Variants in WAC observed in about 807,000 individuals in gnomAD.
WAC encodes WW domain containing adaptor with coiled-coil.
In WAC, 11 loss-of-function variants were observed where a neutral mutation model predicts 79.6. That is an observed-to-expected ratio of 0.14 (90% confidence interval 0.09 to 0.23). The LOEUF is 0.23. Among genes scored for constraint, WAC ranks in the 10% least tolerant of loss-of-function variants. WAC has a pLI of 1.00. For synonymous variants in WAC, 304 were observed against 276.9 expected (o/e 1.10, Z -0.97); for missense variants, 728 against 773.5 (o/e 0.94, Z 0.70).
chr10:28,560,767 T>C (rs1423676763), intron 3 of WAC, among the ~76,000 whole-genome samples: 4 of 152,220 alleles, frequency 2.6e-5, no homozygotes, highest in African/African-American at 9.6e-5. Context: ...CAAGTCTGCC[T>C]ATATAGTGTA....
chr10:28,550,559 G>C (rs956405838), intron 3 of WAC, among the ~76,000 whole-genome samples: 2 of 152,076 alleles, frequency 1.3e-5, no homozygotes, highest in African/African-American at 4.8e-5. Flanking sequence ...GGGGGGTCTG[G>C]TGTATATATA....
rs5784069 is a variant in WAC, at chr10:28,538,866, TAA to T, written c.274+3126_274+3127del. On this transcript the variant is annotated intron_variant, in intron 3 of 13. Coordinates refer to ENST00000354911, the MANE Select transcript of WAC (RefSeq NM_016628.5). ...GTTGATAGAGTGAGACCCGTCTGTT[TAA>T]AAAAAAAAAAAAAAAAGAAAAAAAT... Among the ~76,000 whole-genome samples the T allele has an allele frequency of 3.3e-3, 422 of 126,880 alleles. 2 individuals are homozygous for T. Among genetic ancestry groups the T allele is most frequent in the African/African-American group, 9.5e-3 (321 of 33,766 alleles). 83.2% of individuals were successfully genotyped at this position (126,880 alleles called of 152,430 possible).
chr10:28,553,346 TACAG>T (rs1277616560), intron 3 of WAC, among the ~76,000 whole-genome samples: 3 of 152,216 alleles, frequency 2.0e-5, no homozygotes. Context: ...GCTTGCCAGA[TACAG>T]TATTCATTTT....
chr10:28,565,809 C>T (rs550471829), intron 3 of WAC, among the ~76,000 whole-genome samples: 1 of 152,280 alleles, frequency 6.6e-6, no homozygotes, highest in African/African-American at 2.4e-5. Context: ...TCAGTACATA[C>T]TGTATAACAA....
intron 7 of WAC, among the ~76,000 whole-genome samples, chr10:28,605,193 A>AT (rs1840879717): frequency 6.6e-6 from 1 of 152,074 alleles, no homozygotes; most frequent in South Asian, 2.1e-4. Context: ...ATTGTGCTAT[A>AT]TTTTTTCAAT....
At chr10:28,571,548 A>G (rs544763701) in intron 3 of WAC, among the ~76,000 whole-genome samples, 157 of 152,322 alleles carry the variant, frequency 1.0e-3, no homozygotes, top group African/African-American at 3.5e-3. Context: ...GTTGTTGTCT[A>G]CTGTACCAAG....
chr10:28,597,293 T>A (rs1186856813), intron 7 of WAC, among the ~76,000 whole-genome samples: 1 of 152,208 alleles, frequency 6.6e-6, no homozygotes, highest in East Asian at 1.9e-4. Context: ...TCTGAATTAA[T>A]GCTATAGTTA....
intron 2 of WAC, 125 bp downstream of exon 2, chr10:28,534,159 C>G (rs1019921834): frequency 4.4e-6 from 4 of 911,262 alleles, no homozygotes; most frequent in Non-Finnish European, 6.4e-6. Flanking sequence ...GAAACTAGCA[C>G]CGCGGATCCC....
intron 3 of WAC, among the ~76,000 whole-genome samples, chr10:28,541,433 T>TTTG (rs1837038752): frequency 7.1e-6 from 1 of 141,672 alleles, no homozygotes; most frequent in Admixed American, 7.1e-5. Context: ...TTTTTTTTTT[T>TTTG]TTTTTTTTTT....
rs377339581 is a variant in WAC, at chr10:28,558,240, C to T, written c.274+22483C>T. Among the ~76,000 whole-genome samples, 12 of 151,840 alleles carry T rather than the reference C, an allele frequency of 7.9e-5. No individual in the cohort carries two copies. The East Asian group carries it at 2.3e-3, about 29-fold the overall frequency. ...TTTCTCCTTTTTTTTTCTGTTGCCACTTTGTTCTCTAGTGTTTAAAATTTA... is the reference window on the plus strand; with the variant it reads ...TTTCTCCTTTTTTTTTCTGTTGCCATTTTGTTCTCTAGTGTTTAAAATTTA... On this transcript the variant is annotated intron_variant, in intron 3 of 13. Coordinates refer to ENST00000354911, the MANE Select transcript of WAC (RefSeq NM_016628.5).
intron 10 of WAC, 37 bp downstream of exon 10, chr10:28,611,959 A>G (rs1461662752): frequency 1.2e-6 from 2 of 1,600,734 alleles, no homozygotes; most frequent in African/African-American, 1.4e-5. Context: ...AAAAGAAACT[A>G]CTTACTTTTG....
At chr10:28,559,335 G>T (rs972522624) in intron 3 of WAC, among the ~76,000 whole-genome samples, 2 of 152,168 alleles carry the variant, frequency 1.3e-5, no homozygotes, top group African/African-American at 4.8e-5. Flanking sequence ...AGTGAGGGAA[G>T]TGTGTTCTAG....
intron 13 of WAC, among the ~76,000 whole-genome samples, 162 bp from the exon 14 acceptor site, chr10:28,619,375 G>A (rs1841610720): frequency 6.6e-6 from 1 of 152,058 alleles, no homozygotes; most frequent in African/African-American, 2.4e-5. Flanking sequence ...TGTTTACTTT[G>A]TCTTAACTGT....
At chr10:28,556,625 A>T (rs1838012395) in intron 3 of WAC, among the ~76,000 whole-genome samples, 1 of 151,798 alleles carries the variant, frequency 6.6e-6, no homozygotes, top group African/African-American at 2.4e-5. Context: ...TCAAAAAATT[A>T]TTGCCAAGAC....
Position 28,563,625 on chromosome 10 carries a change from G to A in WAC, c.275-19774G>A, listed in dbSNP as rs574876130. The stretch of plus-strand genomic sequence containing the variant: ...GACGGAGTTTTGCTCTGTCACCCAG[G>A]CTGGAGTGCAGTGGCGCGATCTCCG... On this transcript the variant is annotated intron_variant, in intron 3 of 13. Transcript: ENST00000354911. Among the ~76,000 whole-genome samples the A allele has an allele frequency of 8.7e-4, 133 of 152,066 alleles. 2 individuals are homozygous for A. The South Asian group carries it at 0.017, about 19-fold the overall frequency.
intron 6 of WAC, among the ~76,000 whole-genome samples, chr10:28,593,757 C>G (rs750304208): frequency 6.6e-6 from 1 of 151,628 alleles, no homozygotes; most frequent in Non-Finnish European, 1.5e-5. Flanking sequence ...AATATTTTAT[C>G]AAATGTTAAT....
At chr10:28,537,849 A>G (rs1021376342) in intron 3 of WAC, among the ~76,000 whole-genome samples, 1 of 152,102 alleles carries the variant, frequency 6.6e-6, no homozygotes, top group Non-Finnish European at 1.5e-5. Flanking sequence ...AAAAATTTGC[A>G]TCTTTCCTGA....
intron 3 of WAC, among the ~76,000 whole-genome samples, chr10:28,572,156 G>T (rs1295228557): frequency 7.2e-6 from 1 of 138,720 alleles, no homozygotes; most frequent in East Asian, 2.2e-4. Context: ...GGCCAAGATG[G>T]TGAAACCCCA....
At chr10:28,610,233 C>CT (rs1418583095) in intron 8 of WAC, among the ~76,000 whole-genome samples, 1 of 152,048 alleles carries the variant, frequency 6.6e-6, no homozygotes, top group East Asian at 1.9e-4. Flanking sequence ...CCAATACTCC[C>CT]TTTTTTGTAT....
Sources: gnomAD v4.1 joint callset for allele counts (sites outside exome capture counted in the v4.1 genomes callset) on GRCh38, gnomAD v4.1.1 for gene constraint, MANE v1.5 for transcripts, NCBI Gene and HGNC (gene_info 2026-07-23, HGNC 2026-07-21) for gene names.